CHSY3: variants seen among roughly 807,000 people sequenced by gnomAD.
CHSY3 encodes the protein N-acetylgalactosaminyl-proteoglycan 3-beta-glucuronosyltransferase 3.
A neutral mutation model predicts 67.2 loss-of-function variants in CHSY3; 35 were observed. The ratio of observed to expected loss-of-function variants is 0.52; its 90% CI spans 0.40 to 0.69. The LOEUF (loss-of-function observed/expected upper bound fraction) is 0.69, where lower values mean the gene tolerates loss of function less well. Ranked by LOEUF, CHSY3 falls within the 30% of genes least tolerant of loss-of-function variation. CHSY3 has a pLI of 0.00. For missense variants in CHSY3, 1,069 were observed against 1,138.5 expected, an observed-to-expected ratio of 0.94 and a Z score of 0.88; for synonymous variants, 474 against 434.7, an observed-to-expected ratio of 1.09 and a Z score of -1.12.
intron 2 of CHSY3, among the ~76,000 whole-genome samples, chr5:130,121,306 A>T (rs1242898561): frequency 6.6e-6 from 1 of 152,204 alleles, no homozygotes; most frequent in Non-Finnish European, 1.5e-5. Context: ...GGTAAATGGA[A>T]GCATGAGAAA....
intron 2 of CHSY3, among the ~76,000 whole-genome samples, chr5:130,006,928 C>T (rs1763894313): frequency 6.6e-6 from 1 of 152,128 alleles, no homozygotes; most frequent in Non-Finnish European, 1.5e-5. Context: ...GTCTGTCAGA[C>T]ATTATGCCAC....
At chr5:130,054,421 G>A (rs903964725) in intron 2 of CHSY3, among the ~76,000 whole-genome samples, 15 of 152,134 alleles carry the variant, frequency 9.9e-5, no homozygotes, top group Admixed American at 6.6e-4. Context: ...ATGTCTATAT[G>A]CTCATCTTTA....
intron 2 of CHSY3, among the ~76,000 whole-genome samples, chr5:130,042,931 C>A (rs1765044966): frequency 6.6e-6 from 1 of 152,104 alleles, no homozygotes; most frequent in African/African-American, 2.4e-5. Flanking sequence ...TAATAACTCA[C>A]AGAATTCTAC....
chr5:130,015,123 G>A (rs766774915), intron 2 of CHSY3, among the ~76,000 whole-genome samples: 1 of 152,100 alleles, frequency 6.6e-6, no homozygotes, highest in Non-Finnish European at 1.5e-5. Context: ...ATGATAGTGA[G>A]TTTTTCTCAT....
chr5:130,178,340 C>T lies in CHSY3; in HGVS notation c.1087-5889C>T, dbSNP rs1214769103. On this transcript the variant is annotated intron_variant, in intron 2 of 2. Transcript: ENST00000305031. ...GCAGGATCTCAGCTCACTGCAAGCT[C>T]CGCCTCTCGGGTTCACGCCATTCTT... Among the ~76,000 whole-genome samples, 401 of 146,746 alleles carry T rather than the reference C, an allele frequency of 2.7e-3. 6 individuals carry two copies. The highest frequency in any genetic ancestry group is 7.5e-4 in the Non-Finnish European group (50 of 67,110).
At chr5:130,131,284 A>G (rs891201704) in intron 2 of CHSY3, among the ~76,000 whole-genome samples, 4 of 152,040 alleles carry the variant, frequency 2.6e-5, no homozygotes, top group Non-Finnish European at 4.4e-5. Context: ...AAAGGCTAAA[A>G]AGCCTTTTCT....
intron 2 of CHSY3, among the ~76,000 whole-genome samples, chr5:130,130,883 T>C (rs1050525355): frequency 2.0e-5 from 3 of 152,196 alleles, no homozygotes; most frequent in Non-Finnish European, 4.4e-5. Context: ...GCTTTCCCTA[T>C]GTCAGTCTCA....
In CHSY3 at chr5:129,930,510, G is replaced by A. The variant is rs114701103; in HGVS notation, c.1086+22150G>A. On this transcript the variant is annotated intron_variant, in intron 2 of 2. Transcript: ENST00000305031. ...TGTTTAAAAGGAGGCATCACTGGCG[G>A]GGGGGGGGTATGAAGTTTTGCCTGG... Among the ~76,000 whole-genome samples, 49 of 145,228 alleles carry A rather than the reference G, an allele frequency of 3.4e-4. 1 individual carries two copies. The highest frequency in any genetic ancestry group is 5.3e-4 in the Non-Finnish European group (35 of 66,442).
rs554665426 is a variant in CHSY3, at chr5:130,149,308, A to G, written c.1087-34921A>G. Among the ~76,000 whole-genome samples the G allele has an allele frequency of 5.9e-5, 9 of 152,324 alleles. No individual in the cohort carries two copies. The East Asian group carries it at 1.3e-3, about 23-fold the overall frequency. On this transcript the variant is annotated intron_variant, in intron 2 of 2. Coordinates refer to ENST00000305031, the MANE Select transcript of CHSY3 (RefSeq NM_175856.5). ...TAAAGAAAAGAAATTTAATTGGCTC[A>G]TGGTTCTGCAGGCTTCACAGGAAGC...
intron 2 of CHSY3, among the ~76,000 whole-genome samples, chr5:130,089,261 T>C (rs1436513771): frequency 6.8e-5 from 10 of 146,926 alleles, no homozygotes; most frequent in Admixed American, 2.7e-4. Flanking sequence ...TTAGGAGATA[T>C]ACCTAATGCT....
chr5:129,941,650 T>C (rs1250592061), intron 2 of CHSY3, among the ~76,000 whole-genome samples: 4 of 152,132 alleles, frequency 2.6e-5, no homozygotes, highest in Admixed American at 6.6e-5. Flanking sequence ...CAAACCATGT[T>C]TTTCCTCTAA....
intron 2 of CHSY3, among the ~76,000 whole-genome samples, chr5:130,002,595 A>G (rs1291851942): frequency 2.0e-5 from 3 of 152,152 alleles, no homozygotes; most frequent in Non-Finnish European, 4.4e-5. Flanking sequence ...TGCTAGTGCT[A>G]CAATGTAGGA....
At chr5:129,983,938 C>T (rs1763096085) in intron 2 of CHSY3, among the ~76,000 whole-genome samples, 1 of 151,966 alleles carries the variant, frequency 6.6e-6, no homozygotes, top group Non-Finnish European at 1.5e-5. Flanking sequence ...AACAAAACAT[C>T]CTAATGCATT....
intron 2 of CHSY3, among the ~76,000 whole-genome samples, chr5:129,979,837 G>A (rs1762930819): frequency 6.6e-6 from 1 of 152,028 alleles, no homozygotes; most frequent in Non-Finnish European, 1.5e-5. Flanking sequence ...TATATAGTTG[G>A]AACCAAAAAG....
In CHSY3 at chr5:130,176,203, A is replaced by C. The variant is rs193076617; in HGVS notation, c.1087-8026A>C. Among the ~76,000 whole-genome samples, 446 of 152,282 alleles carry C rather than the reference A, an allele frequency of 2.9e-3. 1 individual carries two copies. Among genetic ancestry groups the C allele is most frequent in the African/African-American group, 8.4e-3 (351 of 41,560 alleles). On this transcript the variant is annotated intron_variant, in intron 2 of 2. Transcript: ENST00000305031. ...AAGTGGGCGAAGGATATGAACAGAC[A>C]TTTCTCAAAAGAAGACATTTATGCA...
intron 2 of CHSY3, among the ~76,000 whole-genome samples, chr5:130,171,692 T>TA (rs879922791): frequency 4.1e-4 from 62 of 151,958 alleles, no homozygotes; most frequent in Non-Finnish European, 8.2e-4. Context: ...CTAAAATAGC[T>TA]AAAAAAAATG....
chr5:129,944,947 A>G (rs1761807975), intron 2 of CHSY3, among the ~76,000 whole-genome samples: 1 of 152,258 alleles, frequency 6.6e-6, no homozygotes, highest in Admixed American at 6.5e-5. Flanking sequence ...GGAATGAAAC[A>G]GAAAGGATTG....
intron 2 of CHSY3, among the ~76,000 whole-genome samples, chr5:130,165,613 G>A (rs1270995939): frequency 1.3e-5 from 2 of 151,532 alleles, no homozygotes; most frequent in African/African-American, 4.8e-5. Context: ...TTAGTTTATG[G>A]TATTTTTTTT....
chr5:129,974,388 G>A (rs111371242), intron 2 of CHSY3, among the ~76,000 whole-genome samples: 75 of 152,174 alleles, frequency 4.9e-4, no homozygotes, highest in African/African-American at 1.7e-3. Flanking sequence ...CAGAAGAACA[G>A]TAATTCCAAC....
Sources: allele counts gnomAD v4.1 joint callset (sites outside exome capture counted in the v4.1 genomes callset), GRCh38; gene constraint gnomAD v4.1.1; transcripts MANE v1.5; gene names NCBI Gene and HGNC (gene_info 2026-07-23, HGNC 2026-07-21).